Variants in SFI1 observed in about 807,000 individuals in gnomAD.
The protein encoded by SFI1 is SFI1 centrin binding protein, also known as protein SFI1 homolog.
Under a neutral mutation model 207.5 loss-of-function variants are expected in SFI1, and 195 were observed. That is an observed-to-expected ratio of 0.94 (90% CI 0.84 to 1.06). The LOEUF (loss-of-function observed/expected upper bound fraction) is 1.06, where lower values mean the gene tolerates loss of function less well. Ranked by LOEUF, SFI1 falls within the 50% of genes least tolerant of loss-of-function variation. SFI1 has a pLI of 0.00. For synonymous variants in SFI1, 630 were observed against 598.9 expected (o/e 1.05, Z -0.76); for missense variants, 1,634 against 1,588.0 (o/e 1.03, Z -0.49).
At chr22:31,525,940 G>A (rs2147223202) in intron 2 of SFI1, among the ~76,000 whole-genome samples, 1 of 152,146 alleles carries the variant, frequency 6.6e-6, no homozygotes, top group East Asian at 1.9e-4. Flanking sequence ...GGCTATTTGG[G>A]ATCTTTTGTG....
intron 15 of SFI1, among the ~76,000 whole-genome samples, chr22:31,599,240 A>AT (rs1603299806): frequency 6.6e-6 from 1 of 151,374 alleles, no homozygotes; most frequent in African/African-American, 2.4e-5. Flanking sequence ...ATCATCTTGA[A>AT]TTTTTTTTCT....
At chr22:31,533,455 G>A (rs1008123749) in intron 4 of SFI1, among the ~76,000 whole-genome samples, 3 of 152,086 alleles carry the variant, frequency 2.0e-5, no homozygotes, top group Admixed American at 1.3e-4. Flanking sequence ...GTTTGAACCC[G>A]GGAGGCCGAG....
chr22:31,520,169 C>G (rs1602051441), intron 2 of SFI1, among the ~76,000 whole-genome samples: 2 of 150,448 alleles, frequency 1.3e-5, no homozygotes, highest in Admixed American at 1.3e-4. Flanking sequence ...TAATCACCAC[C>G]TGTTTAAAAA....
At chr22:31,585,547 A>C (rs1390581508) in intron 14 of SFI1, among the ~76,000 whole-genome samples, 13 of 152,238 alleles carry the variant, frequency 8.5e-5, no homozygotes, top group Admixed American at 8.5e-4. Flanking sequence ...TGAGGTCAGG[A>C]CCACAAATAA....
Position 31,531,123 on chromosome 22 carries a change from A to C in SFI1, c.332A>C (p.Lys111Thr). Residue 111 changes from lysine (K) to threonine (T), a missense_variant, in exon 4 of 33, where the codon AAA becomes ACA. Coordinates refer to ENST00000400288, the MANE Select transcript of SFI1 (RefSeq NM_001007467.3). ...RMTFGRVFPS[K>T]ARFYYEQRLL... ...ACTTTTGGAAGAGTATTTCCCTCTA[A>C]AGCCAGGTAGTATTAGCTCAGAACA... The C allele has an allele frequency of 6.2e-7, 1 of 1,612,456 alleles. No individual in the cohort carries two copies. Among genetic ancestry groups the C allele is most frequent in the Non-Finnish European group, 8.5e-7 (1 of 1,178,936 alleles).
chr22:31,597,787 T>C (rs1424078092), intron 15 of SFI1, among the ~76,000 whole-genome samples: 2 of 152,200 alleles, frequency 1.3e-5, no homozygotes, highest in East Asian at 3.8e-4. Flanking sequence ...TTAGGGTATT[T>C]TTTAATGTTT....
At chr22:31,571,379 C>T (rs1369567302) in intron 8 of SFI1, among the ~76,000 whole-genome samples, 1 of 152,020 alleles carries the variant, frequency 6.6e-6, no homozygotes, top group Non-Finnish European at 1.5e-5. Context: ...GTGGTATGAT[C>T]ACTGCTCACT....
At chr22:31,504,050 G>A (rs1046451195) in intron 1 of SFI1, among the ~76,000 whole-genome samples, 8 of 152,146 alleles carry the variant, frequency 5.3e-5, no homozygotes, top group Non-Finnish European at 1.2e-4. Flanking sequence ...GCTGGAGATA[G>A]AATGGAGAGA....
At chr22:31,528,080 T>C (rs2058105903) in intron 2 of SFI1, among the ~76,000 whole-genome samples, 1 of 151,820 alleles carries the variant, frequency 6.6e-6, no homozygotes, top group East Asian at 1.9e-4. Context: ...GCCACTGCAC[T>C]CCAGCCTGGG....
chr22:31,550,661 A>G (rs544189941), intron 6 of SFI1: 89 of 282,154 alleles, frequency 3.2e-4, no homozygotes, highest in East Asian at 3.4e-4. Context: ...TGGGGCTGCC[A>G]TCTATCTTGC....
At chr22:31,594,297 C>G (rs1043449480) in intron 15 of SFI1, among the ~76,000 whole-genome samples, 24 of 152,112 alleles carry the variant, frequency 1.6e-4, no homozygotes, top group Non-Finnish European at 2.9e-4. Context: ...CACCTGTAAT[C>G]CCAGCACTTT....
At chr22:31,498,324 C>G (rs2413053) in intron 1 of SFI1, among the ~76,000 whole-genome samples, 117,188 of 151,624 alleles carry the variant, frequency 0.77, 45,359 homozygotes, top group Non-Finnish European at 0.8. Flanking sequence ...ATTTTGTGAC[C>G]CCATAGCTGC....
Position 31,561,401 on chromosome 22 carries a change from A to G in SFI1, c.765+9A>G. ...TGAGCCTCCAGGTGCAGGTGAGTCC[A>G]GCAGACGTGGGATTTGGCATCCTCT... On this transcript the variant is annotated intron_variant, in intron 8 of 32. Coordinates refer to ENST00000400288, the MANE Select transcript of SFI1 (RefSeq NM_001007467.3). The G allele has an allele frequency of 6.2e-7, 1 of 1,610,838 alleles. No homozygotes were observed.
intron 4 of SFI1, among the ~76,000 whole-genome samples, chr22:31,534,389 C>T (rs940742313): frequency 6.6e-6 from 1 of 152,018 alleles, no homozygotes. Flanking sequence ...TTTTTTTGCC[C>T]TAACATTACA....
chr22:31,551,335 T>C (rs1237265028), intron 6 of SFI1, among the ~76,000 whole-genome samples: 1 of 152,126 alleles, frequency 6.6e-6, no homozygotes, highest in African/African-American at 2.4e-5. Flanking sequence ...CTTTCCATCT[T>C]TGTCCCTGTA....
chr22:31,572,126 G>A (rs2063013835), intron 8 of SFI1, among the ~76,000 whole-genome samples: 1 of 152,302 alleles, frequency 6.6e-6, no homozygotes, highest in South Asian at 2.1e-4. Context: ...GAGCCCGTGG[G>A]CAGGTGGGTA....
chr22:31,600,649 T>G (rs1223611400), intron 15 of SFI1, among the ~76,000 whole-genome samples: 2 of 152,182 alleles, frequency 1.3e-5, no homozygotes, highest in African/African-American at 4.8e-5. Context: ...AACTCCAGTC[T>G]TTGCCTCCTC....
chr22:31,539,731 T>G (rs2059307878), intron 4 of SFI1, among the ~76,000 whole-genome samples: 1 of 152,074 alleles, frequency 6.6e-6, no homozygotes, highest in Non-Finnish European at 1.5e-5. Flanking sequence ...AAGCCTTTTT[T>G]TTTTGAGACA....
intron 21 of SFI1, 23 bp downstream of exon 21, chr22:31,606,453 G>C (rs766021705): frequency 6.3e-7 from 1 of 1,598,970 alleles, no homozygotes; most frequent in South Asian, 1.1e-5. Context: ...GAGGCAAGCT[G>C]GTCACCCAGG....
Sources: allele counts gnomAD v4.1 joint callset (sites outside exome capture counted in the v4.1 genomes callset), GRCh38; gene constraint gnomAD v4.1.1; transcripts MANE v1.5; gene names NCBI Gene and HGNC (gene_info 2026-07-23, HGNC 2026-07-21).